Variants in DENND5B observed in about 807,000 individuals in gnomAD.
The protein encoded by DENND5B is DENN domain containing 5B.
DENND5B carries 34 observed loss-of-function variants against 140.6 expected under a neutral mutation model. The observed-to-expected ratio is 0.24, with a 90% CI of 0.18 to 0.32. The LOEUF is 0.32. Among genes scored for constraint, DENND5B ranks in the 10% least tolerant of loss-of-function variants. The pLI, the probability that DENND5B is intolerant of heterozygous loss-of-function variation, is 1.00. For synonymous variants in DENND5B, 551 were observed against 562.1 expected (o/e 0.98, Z 0.28); for missense variants, 1,142 against 1,560.2 (o/e 0.73, Z 4.52).
rs756476452 is a variant in DENND5B at position 31,460,182 on chromosome 12, T to C, written c.1092+12A>G. 3 of 1,602,054 alleles carry C rather than the reference T, an allele frequency of 1.9e-6. No individual in the cohort carries two copies. Among genetic ancestry groups the C allele is most frequent in the South Asian group, 1.1e-5 (1 of 89,848 alleles). Reference sequence around the variant, plus strand: ...CAAACAGCAAATGCTTCATCATTCATTGTAGTTTTACCTCTTGAGGAAGTT... The same window carrying C: ...CAAACAGCAAATGCTTCATCATTCACTGTAGTTTTACCTCTTGAGGAAGTT... On this transcript the variant is annotated intron_variant, in intron 4 of 20. Coordinates refer to ENST00000389082, the MANE Select transcript of DENND5B (RefSeq NM_144973.4).
chr12:31,547,162 G>C (rs1948891609), intron 1 of DENND5B, among the ~76,000 whole-genome samples: 1 of 152,088 alleles, frequency 6.6e-6, no homozygotes, highest in Non-Finnish European at 1.5e-5. Context: ...ACTTATTGTT[G>C]TGTTACTTTT....
chr12:31,539,863 A>G (rs1948629615), intron 1 of DENND5B, among the ~76,000 whole-genome samples: 1 of 152,148 alleles, frequency 6.6e-6, no homozygotes, highest in Non-Finnish European at 1.5e-5. Flanking sequence ...ACACGGTACT[A>G]GAAGTCCTAG....
chr12:31,512,319 C>A (rs371250578), intron 1 of DENND5B, among the ~76,000 whole-genome samples: 1 of 151,444 alleles, frequency 6.6e-6, no homozygotes, highest in Non-Finnish European at 1.5e-5. Flanking sequence ...GCTTGTCAAG[C>A]GACCCTCCCA....
Position 31,433,183 on chromosome 12 carries a change from T to A in DENND5B, c.2078A>T (p.His693Leu), listed in dbSNP as rs542577550. The change falls in exon 8 of 21, where the codon CAT becomes CTT. Residue 693 changes from histidine (H) to leucine (L), a missense_variant. This residue lies in a region of DENND5B where 708 missense variants were observed against 905.5 expected (regional missense o/e 0.78). Transcript: ENST00000389082. ...CCTCAAGTCGTTGTCCAGCCCAACATGCTCAGAATGCTGGCGAAGGCGTTC... is the reference window on the plus strand; with the variant it reads ...CCTCAAGTCGTTGTCCAGCCCAACAAGCTCAGAATGCTGGCGAAGGCGTTC... ...RKERLRQHSE[H>L]VGLDNDLREK... is the part of the protein sequence containing the mutation. 8 of 1,613,832 alleles carry A rather than the reference T, an allele frequency of 5.0e-6. No individual in the cohort carries two copies. Among genetic ancestry groups the A allele is most frequent in the South Asian group, 1.1e-5 (1 of 91,076 alleles).
intron 14 of DENND5B, among the ~76,000 whole-genome samples, chr12:31,404,252 G>A (rs1805709542): frequency 6.6e-6 from 1 of 152,082 alleles, no homozygotes; most frequent in South Asian, 2.1e-4. Flanking sequence ...GATGGTTTAA[G>A]CACATAAGCA....
chr12:31,393,346 G>A (rs1393759114), intron 17 of DENND5B, among the ~76,000 whole-genome samples: 3 of 152,118 alleles, frequency 2.0e-5, no homozygotes, highest in Non-Finnish European at 4.4e-5. Context: ...TGTGGCATCT[G>A]GGCCTGAAGC....
chr12:31,532,581 G>A (rs1948325697), intron 1 of DENND5B, among the ~76,000 whole-genome samples: 1 of 152,160 alleles, frequency 6.6e-6, no homozygotes, highest in Non-Finnish European at 1.5e-5. Context: ...GAGTTATATA[G>A]TAGTGAAATA....
intron 3 of DENND5B, chr12:31,478,046 AGT>A (rs1197584812): frequency 6.4e-6 from 1 of 156,516 alleles, no homozygotes; most frequent in African/African-American, 2.4e-5. Flanking sequence ...ATGATGAGAA[AGT>A]GTTTCACTAA....
rs1462705781 is a variant in DENND5B at position 31,494,138 on chromosome 12, T to TATCTA, written c.237+1671_237+1672insTAGAT. Among the ~76,000 whole-genome samples the TATCTA allele has an allele frequency of 6.4e-5, 9 of 139,860 alleles. No individual in the cohort carries two copies. In the East Asian group the frequency reaches 1.7e-3, roughly 26 times the overall value. The allele number at this position is 139,860 out of a possible 152,430, so 91.8% of individuals were successfully genotyped here. A position where few individuals can be genotyped will look rare whatever the true frequency, so the allele number is the denominator to read the frequency against. On this transcript the variant is annotated intron_variant, in intron 2 of 20. Coordinates refer to ENST00000389082, the MANE Select transcript of DENND5B (RefSeq NM_144973.4). ...TCTCAAGGTTGACTATCTCTCTATC[T>TATCTA]TCTATCTATCTATCTATCTATCTAT...
At chr12:31,419,433 C>T (rs1312690203) in intron 11 of DENND5B, among the ~76,000 whole-genome samples, 2 of 146,578 alleles carry the variant, frequency 1.4e-5, no homozygotes, top group South Asian at 2.1e-4. Flanking sequence ...CAAGAGCGAG[C>T]GAAACTCCAT....
intron 7 of DENND5B, among the ~76,000 whole-genome samples, chr12:31,439,925 G>A (rs1296824752): frequency 3.9e-5 from 2 of 51,064 alleles, no homozygotes; most frequent in African/African-American, 9.6e-5. Context: ...GGGAGACTCC[G>A]TCTCAAAAAA....
chr12:31,413,517 C>T lies in DENND5B; in HGVS notation c.2600G>A (p.Arg867Gln), dbSNP rs760610677. Residue 867 changes from arginine to glutamine, a missense_variant, in exon 13 of 21, where the codon CGG becomes CAG. By Grantham distance (43) the Arg-to-Gln change is conservative. Coordinates refer to ENST00000389082, the MANE Select transcript of DENND5B (RefSeq NM_144973.4). ...TTCTAGAGACAGTCTTATCCACGCC[C>T]GAGCTCGTCCAACATCAGTCTTGAT... ...SEIKTDVGRA[R>Q]AWIRLSLEKK... 3 of 1,613,648 alleles carry T rather than the reference C, an allele frequency of 1.9e-6. No individual in the cohort carries two copies. The highest frequency in any genetic ancestry group is 1.3e-5 in the African/African-American group (1 of 74,910).
At chr12:31,490,507 G>T (rs1438841074) in intron 2 of DENND5B, among the ~76,000 whole-genome samples, 2 of 152,036 alleles carry the variant, frequency 1.3e-5, no homozygotes, top group African/African-American at 4.8e-5. Context: ...AGCTACTTGG[G>T]GGGCTGAGGT....
At chr12:31,445,958 A>G (rs1329230552) in intron 6 of DENND5B, among the ~76,000 whole-genome samples, 1 of 148,016 alleles carries the variant, frequency 6.8e-6, no homozygotes, top group Admixed American at 6.7e-5. Context: ...GCAGTGAGCC[A>G]TGATGGCACC....
At chr12:31,549,626 G>A (rs1278853081) in intron 1 of DENND5B, among the ~76,000 whole-genome samples, 2 of 151,880 alleles carry the variant, frequency 1.3e-5, no homozygotes, top group Non-Finnish European at 2.9e-5. Context: ...GTGGTTTGCT[G>A]CACCTATCAA....
chr12:31,520,861 A>G (rs1435442590), intron 1 of DENND5B, among the ~76,000 whole-genome samples: 1 of 152,132 alleles, frequency 6.6e-6, no homozygotes, highest in African/African-American at 2.4e-5. Context: ...CAACAACAAC[A>G]ACAACAAAAA....
chr12:31,407,122 TAA>T (rs2137485465), intron 14 of DENND5B, among the ~76,000 whole-genome samples: 1 of 151,286 alleles, frequency 6.6e-6, no homozygotes, highest in Non-Finnish European at 1.5e-5. Flanking sequence ...TTAAATTAAT[TAA>T]TTAATTTATT....
Position 31,493,660 on chromosome 12 carries a change from T to C in DENND5B, c.237+2150A>G, listed in dbSNP as rs557726136. 5.3e-5 allele frequency among the ~76,000 whole-genome samples: 8 copies of C among 152,180 alleles called. No homozygotes were observed. The South Asian group carries it at 1.7e-3, about 32-fold the overall frequency. On this transcript the variant is annotated intron_variant, in intron 2 of 20. Transcript: ENST00000389082. ...GCCTGGCCAATATGGTGAAACCCTG[T>C]CTCTACTAAAAATACAAAAGATTAG...
intron 1 of DENND5B, among the ~76,000 whole-genome samples, chr12:31,583,806 A>G (rs974576553): frequency 6.6e-6 from 1 of 152,246 alleles, no homozygotes; most frequent in Admixed American, 6.5e-5. Context: ...CTTATAGGAC[A>G]GTGGCCACCA....
Sources: gnomAD v4.1 joint callset for allele counts (sites outside exome capture counted in the v4.1 genomes callset) on GRCh38, gnomAD v4.1.1 for gene constraint, gnomAD v4.1.1 regional missense constraint, MANE v1.5 for transcripts, NCBI Gene and HGNC (gene_info 2026-07-23, HGNC 2026-07-21) for gene names.